The following EBF1 variants were observed in gnomAD, a reference collection of about 807,000 sequenced individuals.
EBF1 encodes EBF transcription factor 1.
Under a neutral mutation model 68.4 loss-of-function variants are expected in EBF1, and 10 were observed. The observed-to-expected ratio is 0.15, with a 90% CI of 0.09 to 0.25. The LOEUF is 0.25. Among genes scored for constraint, EBF1 ranks in the 10% least tolerant of loss-of-function variants. The pLI is 1.00. For synonymous variants in EBF1, 298 were observed against 299.8 expected, an observed-to-expected ratio of 0.99 and a Z score of 0.06; for missense variants, 509 against 794.4, an observed-to-expected ratio of 0.64 and a Z score of 4.32.
chr5:158,821,763 T>C (rs1784869861), intron 8 of EBF1, among the ~76,000 whole-genome samples: 1 of 152,186 alleles, frequency 6.6e-6, no homozygotes, highest in Non-Finnish European at 1.5e-5. Context: ...GAACTAGGAA[T>C]GTAATCATGA....
In EBF1 at chr5:158,877,520, T is replaced by C. The variant is rs1487746660; in HGVS notation, c.555-37410A>G. 2.0e-5 allele frequency among the ~76,000 whole-genome samples: 3 copies of C among 152,188 alleles called. No homozygotes were observed. In the East Asian group the frequency reaches 5.8e-4, roughly 29 times the overall value. On this transcript the variant is annotated intron_variant, in intron 6 of 15. Transcript: ENST00000313708. ...GCTTATTTATCTCCATGGAAGAACT[T>C]TCTAAGCCCTTTAGGCACCCAGGCA...
intron 8 of EBF1, among the ~76,000 whole-genome samples, chr5:158,818,545 A>G (rs542177667): frequency 2.6e-5 from 4 of 152,356 alleles, no homozygotes; most frequent in South Asian, 2.1e-4. Context: ...CTCCAAAGCT[A>G]TAATTACAGC....
intron 6 of EBF1, among the ~76,000 whole-genome samples, chr5:159,064,899 CTTTTTTTTTTTTT>C (rs57256923): frequency 1.5e-5 from 1 of 67,938 alleles, no homozygotes; most frequent in Non-Finnish European, 2.5e-5. Context: ...CTCTTTTCAT[CTTTTTTTTTTTTT>C]TTTTTTTTTT....
chr5:158,719,236 G>T (rs1396841736), intron 11 of EBF1, among the ~76,000 whole-genome samples: 1 of 151,890 alleles, frequency 6.6e-6, no homozygotes, highest in African/African-American at 2.4e-5. Context: ...ATTCCTGCTG[G>T]CTTGGACTTA....
At chr5:159,002,073 T>C (rs1389001701) in intron 6 of EBF1, among the ~76,000 whole-genome samples, 2 of 151,956 alleles carry the variant, frequency 1.3e-5, no homozygotes, top group East Asian at 1.9e-4. Flanking sequence ...ACATAATCTC[T>C]GAAACTTTTT....
At chr5:158,727,273 A>T (rs1229686507) in intron 11 of EBF1, among the ~76,000 whole-genome samples, 1 of 151,998 alleles carries the variant, frequency 6.6e-6, no homozygotes, top group East Asian at 1.9e-4. Flanking sequence ...GCTCACTCTC[A>T]CTCACTGCCT....
At chr5:159,065,832 A>T (rs908075051) in intron 6 of EBF1, among the ~76,000 whole-genome samples, 2 of 152,182 alleles carry the variant, frequency 1.3e-5, no homozygotes, top group African/African-American at 4.8e-5. Context: ...ATAAAAGAAC[A>T]AGTGAGTGTA....
At chr5:158,805,000 TAAGTA>T (rs1169235328) in intron 8 of EBF1, among the ~76,000 whole-genome samples, 1 of 152,130 alleles carries the variant, frequency 6.6e-6, no homozygotes. Context: ...GATTATACAA[TAAGTA>T]AATAACTCTC....
At chr5:159,003,649 A>T (rs1762992760) in intron 6 of EBF1, among the ~76,000 whole-genome samples, 1 of 152,216 alleles carries the variant, frequency 6.6e-6, no homozygotes, top group African/African-American at 2.4e-5. Context: ...AATTCTTAGC[A>T]ATATAGGCAG....
chr5:158,971,888 A>C (rs1755728093), intron 6 of EBF1, among the ~76,000 whole-genome samples: 1 of 152,236 alleles, frequency 6.6e-6, no homozygotes, highest in African/African-American at 2.4e-5. Context: ...AGAGATTAAT[A>C]TTAAAGATTC....
intron 8 of EBF1, among the ~76,000 whole-genome samples, chr5:158,803,854 T>C (rs936740895): frequency 3.3e-5 from 5 of 151,246 alleles, no homozygotes; most frequent in African/African-American, 9.7e-5. Flanking sequence ...TTTCATTTTG[T>C]TATTTGTCTG....
At chr5:158,829,938 T>G (rs1787133878) in intron 7 of EBF1, among the ~76,000 whole-genome samples, 1 of 152,214 alleles carries the variant, frequency 6.6e-6, no homozygotes, top group African/African-American at 2.4e-5. Flanking sequence ...CAACTCCATG[T>G]GGAAACTCTG....
At chr5:159,084,798 A>G in intron 4 of EBF1, 59 bp from the exon 5 acceptor site, 1 of 1,480,084 alleles carries the variant, frequency 6.8e-7, no homozygotes, top group South Asian at 1.3e-5. Context: ...AAAAAAAAAA[A>G]AATCACAATT....
At chr5:158,810,798 G>A (rs188942025) in intron 8 of EBF1, among the ~76,000 whole-genome samples, 2 of 152,292 alleles carry the variant, frequency 1.3e-5, no homozygotes, top group Admixed American at 6.5e-5. Flanking sequence ...TCTGCACCCT[G>A]TGGGCTCAAG....
chr5:158,869,411 C>T (rs1171034113), intron 6 of EBF1, among the ~76,000 whole-genome samples: 2 of 152,132 alleles, frequency 1.3e-5, no homozygotes, highest in Admixed American at 6.5e-5. Flanking sequence ...AAAGGCATTG[C>T]CATTCAGTCT....
intron 6 of EBF1, among the ~76,000 whole-genome samples, chr5:158,973,437 C>T (rs1328818459): frequency 6.6e-6 from 1 of 151,918 alleles, no homozygotes; most frequent in Non-Finnish European, 1.5e-5. Flanking sequence ...TCAGAGGTTT[C>T]CCTCACCTTC....
intron 6 of EBF1, among the ~76,000 whole-genome samples, chr5:158,976,517 T>C (rs1756793103): frequency 6.6e-6 from 1 of 151,654 alleles, no homozygotes; most frequent in African/African-American, 2.4e-5. Flanking sequence ...AAAGGCCTTG[T>C]CATTACAGAA....
chr5:159,007,726 C>T (rs763228756), intron 6 of EBF1, among the ~76,000 whole-genome samples: 29 of 152,234 alleles, frequency 1.9e-4, no homozygotes, highest in Non-Finnish European at 2.2e-4. Context: ...GCATTCATAC[C>T]TTAAATATGC....
intron 6 of EBF1, among the ~76,000 whole-genome samples, chr5:159,006,030 C>T (rs1763477178): frequency 6.6e-6 from 1 of 152,174 alleles, no homozygotes; most frequent in East Asian, 1.9e-4. Flanking sequence ...TCTAAACTTC[C>T]TGACCTCTCT....
Sources: allele counts gnomAD v4.1 joint callset (sites outside exome capture counted in the v4.1 genomes callset), GRCh38; gene constraint gnomAD v4.1.1; transcripts MANE v1.5; gene names NCBI Gene and HGNC (gene_info 2026-07-23, HGNC 2026-07-21).